Variants in FARS2 observed in about 807,000 individuals in gnomAD.
FARS2 encodes phenylalanyl-tRNA synthetase 2, mitochondrial, also known as phenylalanine--tRNA ligase, mitochondrial.
Under a neutral mutation model 46.4 loss-of-function variants are expected in FARS2, and 40 were observed. The ratio of observed to expected loss-of-function variants is 0.86; its 90% CI spans 0.67 to 1.12. The LOEUF (loss-of-function observed/expected upper bound fraction) is 1.12, where lower values mean the gene tolerates loss of function less well. Ranked by LOEUF, FARS2 falls within the 50% of genes most tolerant of loss-of-function variation. The probability of loss-of-function intolerance (pLI) is 0.00; values close to 1 mark genes in which losing one functional copy is unlikely to be tolerated. For missense variants in FARS2, 513 were observed against 567.9 expected (o/e 0.90, Z 0.98); for synonymous variants, 234 against 214.9 (o/e 1.09, Z -0.78).
At chr6:5,288,161 C>T (rs1326554921) in intron 1 of FARS2, among the ~76,000 whole-genome samples, 1 of 152,214 alleles carries the variant, frequency 6.6e-6, no homozygotes, top group Non-Finnish European at 1.5e-5. Flanking sequence ...CTGGGTCTTG[C>T]TTTCCCACTG....
chr6:5,766,805 A>G (rs754751521), intron 6 of FARS2, among the ~76,000 whole-genome samples: 1 of 152,110 alleles, frequency 6.6e-6, no homozygotes, highest in Non-Finnish European at 1.5e-5. Context: ...CCATATCCCT[A>G]TGAAGCAGTC....
At chr6:5,712,806 A>G (rs1759263735) in intron 6 of FARS2, among the ~76,000 whole-genome samples, 1 of 152,176 alleles carries the variant, frequency 6.6e-6, no homozygotes. Flanking sequence ...CTGCCAAATC[A>G]CTGCTCTGTA....
At chr6:5,269,717 T>C (rs1450970542) in intron 1 of FARS2, among the ~76,000 whole-genome samples, 2 of 152,190 alleles carry the variant, frequency 1.3e-5, no homozygotes, top group Non-Finnish European at 2.9e-5. Context: ...GGAAAAATAC[T>C]AGGTCAGTGT....
chr6:5,339,115 A>G (rs1581820229), intron 1 of FARS2, among the ~76,000 whole-genome samples: 4 of 152,318 alleles, frequency 2.6e-5, no homozygotes, highest in Admixed American at 2.6e-4. Flanking sequence ...TGATAAAAAT[A>G]CAACTGTGGC....
intron 6 of FARS2, among the ~76,000 whole-genome samples, chr6:5,698,802 C>T (rs1262685614): frequency 2.0e-5 from 3 of 152,188 alleles, no homozygotes. Context: ...ACTCACCCAA[C>T]AGAAGTGTGT....
chr6:5,352,116 T>C (rs183444560), intron 1 of FARS2, among the ~76,000 whole-genome samples: 94 of 151,756 alleles, frequency 6.2e-4, no homozygotes, highest in African/African-American at 2.2e-3. Flanking sequence ...CCTTAAAACA[T>C]TGAGGTTTTT....
At chr6:5,766,216 C>T (rs1302013591) in intron 6 of FARS2, among the ~76,000 whole-genome samples, 1 of 152,354 alleles carries the variant, frequency 6.6e-6, no homozygotes, top group East Asian at 1.9e-4. Flanking sequence ...TCCTTCGGGG[C>T]AGGCTTCTTG....
upstream of FARS2, chr6:5,261,232 G>A (rs1391610326): frequency 6.6e-6 from 1 of 152,448 alleles, no homozygotes; most frequent in African/African-American, 2.4e-5. Flanking sequence ...CCTACATCCA[G>A]GAGGCCGCGT....
chr6:5,351,769 A>G (rs1006859011), intron 1 of FARS2, among the ~76,000 whole-genome samples: 6 of 152,218 alleles, frequency 3.9e-5, no homozygotes, highest in African/African-American at 1.4e-4. Context: ...TTTTATCTGT[A>G]TTGTGACCAT....
At chr6:5,515,876 G>A (rs1252260516) in intron 4 of FARS2, among the ~76,000 whole-genome samples, 3 of 152,088 alleles carry the variant, frequency 2.0e-5, no homozygotes, top group East Asian at 3.8e-4. Context: ...GTGGGTTTAC[G>A]TTTAGTAATT....
Position 5,368,566 on chromosome 6 carries a change from C to T in FARS2, c.-5C>T. Reference sequence around the variant, plus strand: ...TCTTTCCAGAACCTGTGAGAAGTTTCTACAATGGTGGGCTCAGCTCTCAGG... The same window carrying T: ...TCTTTCCAGAACCTGTGAGAAGTTTTTACAATGGTGGGCTCAGCTCTCAGG... On this transcript the variant is annotated 5_prime_UTR_variant, in exon 2 of 7. Coordinates refer to ENST00000274680, the MANE Select transcript of FARS2 (RefSeq NM_006567.5). 6.2e-7 allele frequency: 1 copy of T among 1,600,034 alleles called. No homozygotes were observed.
intron 6 of FARS2, among the ~76,000 whole-genome samples, chr6:5,709,763 T>C (rs1759022714): frequency 6.6e-6 from 1 of 151,250 alleles, no homozygotes; most frequent in African/African-American, 2.4e-5. Context: ...CGCGTGTGTG[T>C]GTGTGAGATT....
chr6:5,625,684 G>A (rs1029507421), intron 6 of FARS2, among the ~76,000 whole-genome samples: 1 of 152,216 alleles, frequency 6.6e-6, no homozygotes, highest in Non-Finnish European at 1.5e-5. Context: ...GGGGGACAGC[G>A]ATCCAGTCAT....
At chr6:5,269,600 G>T (rs1358546696) in intron 1 of FARS2, among the ~76,000 whole-genome samples, 1 of 152,080 alleles carries the variant, frequency 6.6e-6, no homozygotes. Flanking sequence ...GAGTGTATTA[G>T]CCGCCATCTC....
intron 4 of FARS2, among the ~76,000 whole-genome samples, chr6:5,536,050 CT>C (rs374395844): frequency 1.4e-3 from 189 of 133,714 alleles, no homozygotes; most frequent in African/African-American, 2.8e-3. Context: ...TTTAATTTAT[CT>C]TTTTTTTTTT....
intron 1 of FARS2, among the ~76,000 whole-genome samples, chr6:5,304,383 A>G (rs766250182): frequency 1.3e-5 from 2 of 152,226 alleles, no homozygotes; most frequent in South Asian, 2.1e-4. Context: ...ACAGTTACTA[A>G]TAACAGTTAA....
intron 6 of FARS2, among the ~76,000 whole-genome samples, chr6:5,697,544 T>A (rs1758178402): frequency 6.6e-6 from 1 of 152,232 alleles, no homozygotes; most frequent in African/African-American, 2.4e-5. Flanking sequence ...AATGCAATAC[T>A]CTTTCCACTT....
At chr6:5,480,507 C>G (rs1355075217) in intron 4 of FARS2, among the ~76,000 whole-genome samples, 1 of 152,172 alleles carries the variant, frequency 6.6e-6, no homozygotes. Context: ...CAAAGATTAC[C>G]TAATGGCATA....
intron 5 of FARS2, among the ~76,000 whole-genome samples, chr6:5,578,982 G>A (rs72817784): frequency 6.6e-6 from 1 of 152,270 alleles, no homozygotes; most frequent in Non-Finnish European, 1.5e-5. Context: ...TGGAGGATAA[G>A]GTTTTGTGGG....
Sources: gnomAD v4.1 joint callset for allele counts (sites outside exome capture counted in the v4.1 genomes callset) on GRCh38, gnomAD v4.1.1 for gene constraint, MANE v1.5 for transcripts, NCBI Gene and HGNC (gene_info 2026-07-23, HGNC 2026-07-21) for gene names.